Variants in TTLL11 observed in about 807,000 individuals in gnomAD.
TTLL11 encodes the protein tubulin polyglutamylase TTLL11.
Under a neutral mutation model 51.7 loss-of-function variants are expected in TTLL11, and 42 were observed. The ratio of observed to expected loss-of-function variants is 0.81; its 90% confidence interval spans 0.64 to 1.05. The LOEUF is 1.05. Ranked by LOEUF, TTLL11 falls within the 50% of genes least tolerant of loss-of-function variation. The pLI is 0.00. For missense variants in TTLL11, 799 were observed against 940.4 expected (o/e 0.85, Z 1.97); for synonymous variants, 381 against 383.5 (o/e 0.99, Z 0.08).
Position 121,870,681 on chromosome 9 carries a change from G to C in TTLL11, c.1549C>G (p.Pro517Ala), listed in dbSNP as rs1457712183. Reference protein sequence around the residue: ...DALDGELTSAPDCNANPEAHL... With the variant: ...DALDGELTSAADCNANPEAHL... ...GCTTCGGGGTTGGCGTTGCAGTCTG[G>C]AGCACTGGTCAGCTCGCCGTCCAAA... The change falls in exon 7 of 9, where the codon CCA (proline) becomes GCA (alanine). Residue 517 changes from proline to alanine, a missense_variant. Physicochemically the swap from Pro to Ala is conservative, Grantham distance 27 (BLOSUM62 -1). Coordinates refer to ENST00000321582, the MANE Select transcript of TTLL11 (RefSeq NM_001139442.2). 1.3e-6 allele frequency: 2 copies of C among 1,551,742 alleles called. No homozygotes were observed. The highest frequency in any genetic ancestry group is 1.7e-6 in the Non-Finnish European group (2 of 1,147,006).
chr9:121,843,057 C>T (rs1255233939), intron 8 of TTLL11, among the ~76,000 whole-genome samples: 1 of 152,074 alleles, frequency 6.6e-6, no homozygotes, highest in East Asian at 1.9e-4. Flanking sequence ...TTGCTCCTGG[C>T]TGGGCACAGT....
chr9:121,983,152 T>A (rs1842862593), intron 4 of TTLL11, among the ~76,000 whole-genome samples: 1 of 152,116 alleles, frequency 6.6e-6, no homozygotes, highest in African/African-American at 2.4e-5. Flanking sequence ...CAAGAGTTGC[T>A]TATGGATTGG....
intron 6 of TTLL11, chr9:121,885,333 A>G (rs954897876): frequency 6.6e-6 from 1 of 152,204 alleles, no homozygotes; most frequent in Non-Finnish European, 1.5e-5. Context: ...GGGGACTTGT[A>G]CAGAAGTCTT....
intron 2 of TTLL11, among the ~76,000 whole-genome samples, chr9:122,032,660 A>G (rs1844587470): frequency 6.7e-6 from 1 of 150,092 alleles, no homozygotes; most frequent in African/African-American, 2.5e-5. Flanking sequence ...AAAAAAAAAA[A>G]AGGTTGGTGG....
intron 1 of TTLL11, among the ~76,000 whole-genome samples, chr9:122,073,434 A>C (rs1413601747): frequency 6.6e-6 from 1 of 152,158 alleles, no homozygotes; most frequent in Non-Finnish European, 1.5e-5. Context: ...AATAAAATAA[A>C]ATCTTGTGGG....
intron 8 of TTLL11, among the ~76,000 whole-genome samples, chr9:121,851,712 A>T (rs1446326664): frequency 6.6e-6 from 1 of 152,238 alleles, no homozygotes; most frequent in East Asian, 1.9e-4. Flanking sequence ...ATCTGGAATA[A>T]GAGAAATTCC....
intron 8 of TTLL11, among the ~76,000 whole-genome samples, chr9:121,848,381 A>G (rs1399631469): frequency 6.6e-6 from 1 of 152,196 alleles, no homozygotes; most frequent in Non-Finnish European, 1.5e-5. Flanking sequence ...TTCCTGTCCA[A>G]CATTGGACTA....
chr9:121,929,024 C>T (rs1159074280), intron 6 of TTLL11, among the ~76,000 whole-genome samples: 2 of 152,186 alleles, frequency 1.3e-5, no homozygotes, highest in East Asian at 3.8e-4. Flanking sequence ...TTTAGCCTAT[C>T]AGAGACAACC....
chr9:121,981,245 T>G (rs193076731), intron 4 of TTLL11, among the ~76,000 whole-genome samples: 40 of 152,290 alleles, frequency 2.6e-4, no homozygotes, highest in Middle Eastern at 3.4e-3. Context: ...GTTCTTTTTT[T>G]TCCTTGTCAT....
intron 3 of TTLL11, among the ~76,000 whole-genome samples, chr9:122,029,619 C>T (rs1359560825): frequency 2.0e-5 from 3 of 151,998 alleles, no homozygotes; most frequent in African/African-American, 4.8e-5. Flanking sequence ...AGTGTTATTA[C>T]AAAAGAGTCT....
intron 8 of TTLL11, among the ~76,000 whole-genome samples, chr9:121,832,130 A>G (rs1837035076): frequency 6.6e-6 from 1 of 152,134 alleles, no homozygotes; most frequent in Non-Finnish European, 1.5e-5. Context: ...CCATCTCCAA[A>G]TACAGCCACA....
intron 6 of TTLL11, among the ~76,000 whole-genome samples, chr9:121,878,276 G>A (rs976201240): frequency 6.6e-6 from 1 of 152,156 alleles, no homozygotes. Context: ...GCATCAAGAT[G>A]AATCTGCTTG....
intron 3 of TTLL11, among the ~76,000 whole-genome samples, chr9:122,003,801 T>C (rs1287803843): frequency 6.6e-6 from 1 of 151,046 alleles, no homozygotes. Context: ...ATTCCTTCTT[T>C]ATGTTTTGCC....
intron 1 of TTLL11, among the ~76,000 whole-genome samples, chr9:122,071,360 C>T (rs151013702): frequency 0.011 from 1,665 of 152,304 alleles, 33 homozygotes; most frequent in Admixed American, 0.056. Context: ...GCACACAAAT[C>T]TCTCCCCGCT....
intron 6 of TTLL11, among the ~76,000 whole-genome samples, chr9:121,895,872 G>T (rs1839489990): frequency 2.3e-5 from 3 of 132,864 alleles, no homozygotes; most frequent in Non-Finnish European, 5.0e-5. Context: ...GTGGGTTTGT[G>T]TGACTGTGTG....
At chr9:121,913,606 C>T (rs534508215) in intron 6 of TTLL11, among the ~76,000 whole-genome samples, 13 of 152,152 alleles carry the variant, frequency 8.5e-5, no homozygotes, top group Non-Finnish European at 1.5e-4. Context: ...TTTCTAATCC[C>T]CAGACAGGCT....
At chr9:121,944,722 A>G (rs1841604102) in intron 6 of TTLL11, among the ~76,000 whole-genome samples, 1 of 152,226 alleles carries the variant, frequency 6.6e-6, no homozygotes, top group Non-Finnish European at 1.5e-5. Flanking sequence ...TATTGAAAAG[A>G]ACAAGGACAT....
chr9:121,911,486 T>G (rs941245286), intron 6 of TTLL11, among the ~76,000 whole-genome samples: 5 of 152,154 alleles, frequency 3.3e-5, no homozygotes, highest in Admixed American at 6.5e-5. Flanking sequence ...CATATGCACA[T>G]GTATGTTTAT....
At position 121,826,184 on chromosome 9, in the gene TTLL11, CTATATATATA is replaced by C. The variant is rs1166211047; in HGVS notation, c.1841-3315_1841-3306del. On this transcript the variant is annotated intron_variant, in intron 8 of 8. Transcript: ENST00000321582. ...TATATATATATATATAACCAGTAAC[CTATATATATA>C]TATATATATATATATATATATATGC... is the stretch of plus-strand genomic sequence containing the variant. Among the ~76,000 whole-genome samples, 6 of 51,134 alleles carry C rather than the reference CTATATATATA, an allele frequency of 1.2e-4. 1 individual carries two copies. Among genetic ancestry groups the C allele is most frequent in the Admixed American group, 6.9e-4 (2 of 2,896 alleles). 33.5% of individuals were successfully genotyped at this position (51,134 alleles called of 152,430 possible). A position where few individuals can be genotyped will look rare whatever the true frequency, so the allele number is the denominator to read the frequency against.
Sources: allele counts gnomAD v4.1 joint callset (sites outside exome capture counted in the v4.1 genomes callset), GRCh38; gene constraint gnomAD v4.1.1; transcripts MANE v1.5; gene names NCBI Gene and HGNC (gene_info 2026-07-23, HGNC 2026-07-21).